The following CPVL variants were observed in gnomAD, a reference collection of about 807,000 sequenced individuals.
CPVL encodes the protein carboxypeptidase vitellogenic like.
Under a neutral mutation model 63.7 loss-of-function variants are expected in CPVL, and 51 were observed. The ratio of observed to expected loss-of-function variants is 0.80; its 90% CI spans 0.64 to 1.01. The LOEUF is 1.01. Ranked by LOEUF, CPVL falls within the 50% of genes least tolerant of loss-of-function variation. The pLI, the probability that CPVL is intolerant of heterozygous loss-of-function variation, is 0.00. For synonymous variants in CPVL, 195 were observed against 206.0 expected (o/e 0.95, Z 0.46); for missense variants, 530 against 573.1 (o/e 0.92, Z 0.77).
chr7:29,080,529 G>C (rs1238794253), intron 7 of CPVL, among the ~76,000 whole-genome samples: 1 of 139,296 alleles, frequency 7.2e-6, no homozygotes, highest in Non-Finnish European at 1.5e-5. Context: ...CTGCACTCCA[G>C]CTTAGGCATC....
At chr7:29,136,744 AGTT>A (rs781322885) in intron 1 of CPVL, among the ~76,000 whole-genome samples, 8 of 152,228 alleles carry the variant, frequency 5.3e-5, no homozygotes, top group Non-Finnish European at 1.2e-4. Context: ...AATCAAAAGT[AGTT>A]AAGAAGAACT....
chr7:29,145,677 T>C (rs556591865), intron 1 of CPVL, among the ~76,000 whole-genome samples: 1 of 152,292 alleles, frequency 6.6e-6, no homozygotes, highest in South Asian at 2.1e-4. Flanking sequence ...GTTATTTCTA[T>C]TTCCAATAAA....
intron 1 of CPVL, among the ~76,000 whole-genome samples, chr7:29,141,730 C>T (rs1791904114): frequency 6.6e-6 from 1 of 151,944 alleles, no homozygotes; most frequent in Non-Finnish European, 1.5e-5. Context: ...TCCTGGCCAA[C>T]GTGGTAAAAC....
chr7:29,192,111 T>C (rs1782961227), intron 1 of CPVL: 1 of 152,236 alleles, frequency 6.6e-6, no homozygotes, highest in Non-Finnish European at 1.5e-5. Context: ...GTCAAAGTTA[T>C]AGCTCATATC....
chr7:29,098,182 T>C (rs1432518106), intron 3 of CPVL, among the ~76,000 whole-genome samples: 2 of 152,128 alleles, frequency 1.3e-5, no homozygotes, highest in Non-Finnish European at 2.9e-5. Flanking sequence ...TCCATTGACC[T>C]GGATGGCGGG....
At chr7:29,117,392 G>C (rs1264468744) in intron 2 of CPVL, among the ~76,000 whole-genome samples, 1 of 152,200 alleles carries the variant, frequency 6.6e-6, no homozygotes, top group Non-Finnish European at 1.5e-5. Context: ...GTATGATACA[G>C]AAACACCATG....
At chr7:29,118,605 A>G (rs1164537819) in intron 2 of CPVL, among the ~76,000 whole-genome samples, 1 of 148,816 alleles carries the variant, frequency 6.7e-6, no homozygotes, top group Non-Finnish European at 1.5e-5. Context: ...AGAAAAAGAC[A>G]TATGAACAGC....
At chr7:29,071,707 T>TCGGC in intron 9 of CPVL, 66 bp downstream of exon 9, 36 of 867,442 alleles carry the variant, frequency 4.2e-5, no homozygotes, top group Non-Finnish European at 5.7e-5. Context: ...GTGTTCCTGC[T>TCGGC]CACCCGCCCT....
chr7:29,120,768 C>G, intron 2 of CPVL, 125 bp downstream of exon 2: 1 of 890,282 alleles, frequency 1.1e-6, no homozygotes, highest in Non-Finnish European at 1.7e-6. Context: ...TTGCAGTGAG[C>G]TGAGATCGCG....
chr7:29,020,654 A>C (rs1786866553), intron 12 of CPVL, among the ~76,000 whole-genome samples: 1 of 150,528 alleles, frequency 6.6e-6, no homozygotes, highest in African/African-American at 2.4e-5. Flanking sequence ...ATAAAGGCTA[A>C]AAATTCATGT....
At chr7:29,189,655 CAGAA>C (rs917618614) in intron 1 of CPVL, among the ~76,000 whole-genome samples, 1 of 152,146 alleles carries the variant, frequency 6.6e-6, no homozygotes, top group African/African-American at 2.4e-5. Context: ...TCTCTTCAAA[CAGAA>C]AGAAAAACTC....
chr7:29,007,456 CA>C (rs1184754580), intron 12 of CPVL, among the ~76,000 whole-genome samples: 2 of 151,982 alleles, frequency 1.3e-5, no homozygotes, highest in Non-Finnish European at 2.9e-5. Flanking sequence ...GGGAAAAAAA[CA>C]AAAACCAGGA....
chr7:29,100,567 C>T (rs897003979), intron 3 of CPVL, among the ~76,000 whole-genome samples: 5 of 152,168 alleles, frequency 3.3e-5, no homozygotes, highest in Admixed American at 6.5e-5. Context: ...CACAATGAAC[C>T]GGACCTCTGG....
intron 12 of CPVL, among the ~76,000 whole-genome samples, chr7:29,024,327 G>A (rs1787289317): frequency 6.6e-6 from 1 of 152,138 alleles, no homozygotes; most frequent in Admixed American, 6.5e-5. Flanking sequence ...AACAAAGAAA[G>A]CCTACATGAC....
intron 11 of CPVL, among the ~76,000 whole-genome samples, chr7:29,037,933 A>C (rs1788711343): frequency 6.6e-6 from 1 of 152,218 alleles, no homozygotes; most frequent in Non-Finnish European, 1.5e-5. Flanking sequence ...TACATCCCAC[A>C]GCTGTCAGGA....
At position 29,072,281 on chromosome 7, in the gene CPVL, A is replaced by T. The variant is rs1430311020; in HGVS notation, c.732+20T>A. 6.2e-7 allele frequency: 1 copy of T among 1,613,422 alleles called. No homozygotes were observed. The highest frequency in any genetic ancestry group is 8.5e-7 in the Non-Finnish European group (1 of 1,179,706). On this transcript the variant is annotated intron_variant, in intron 8 of 12. Transcript: ENST00000265394. ...AATCCCCCTAAGAGACAAAATAGAA[A>T]GTCAGAAGGAGAAACCTACTGATTC...
At position 29,146,409 on chromosome 7, in the gene CPVL, G is replaced by A. The variant is rs1267640423; in HGVS notation, c.-11+20C>T. ...GTCCCGCTGAGCTGGCACGACCCAC[G>A]CAGGGCAGGCGGCACTTACGCGGCG... On this transcript the variant is annotated intron_variant, in intron 1 of 12. Coordinates refer to ENST00000265394, the MANE Select transcript of CPVL (RefSeq NM_031311.5). The A allele has an allele frequency of 2.1e-6, 2 of 964,276 alleles. No homozygotes were observed. Among genetic ancestry groups the A allele is most frequent in the Non-Finnish European group, 3.0e-6 (2 of 677,080 alleles). 59.7% of individuals were successfully genotyped at this position (964,276 alleles called of 1,614,324 possible). A position where few individuals can be genotyped will look rare whatever the true frequency, so the allele number is the denominator to read the frequency against.
At chr7:29,188,809 T>C (rs887307786) in intron 1 of CPVL, among the ~76,000 whole-genome samples, 4 of 152,236 alleles carry the variant, frequency 2.6e-5, no homozygotes, top group Non-Finnish European at 5.9e-5. Context: ...CCGGCATGGA[T>C]AATAGCTATA....
intron 1 of CPVL, among the ~76,000 whole-genome samples, chr7:29,124,101 G>A (rs1324021343): frequency 1.3e-5 from 2 of 152,106 alleles, no homozygotes; most frequent in African/African-American, 2.4e-5. Flanking sequence ...CTCTCCTTAT[G>A]AGAATGAAAG....
Sources: allele counts gnomAD v4.1 joint callset (sites outside exome capture counted in the v4.1 genomes callset), GRCh38; gene constraint gnomAD v4.1.1; transcripts MANE v1.5; gene names NCBI Gene and HGNC (gene_info 2026-07-23, HGNC 2026-07-21).